Variants in SYT2 observed in about 807,000 individuals in gnomAD.
SYT2 encodes synaptotagmin-2.
SYT2 carries 15 observed loss-of-function variants against 39.9 expected under a neutral mutation model. The observed-to-expected ratio is 0.38, with a 90% CI of 0.25 to 0.58. The LOEUF (loss-of-function observed/expected upper bound fraction) is 0.58, where lower values mean the gene tolerates loss of function less well. SYT2 is among the 20% of genes least tolerant of loss of function. SYT2 has a pLI of 0.70. For missense variants in SYT2, 389 were observed against 530.3 expected (o/e 0.73, Z 2.62); for synonymous variants, 181 against 204.5 (o/e 0.89, Z 0.98).
chr1:202,624,759 T>TATGTGGCGTGTAGTAGG (rs1558435814), intron 1 of SYT2, among the ~76,000 whole-genome samples: 16 of 104,234 alleles, frequency 1.5e-4, no homozygotes, highest in African/African-American at 1.9e-4. Context: ...GTGTGTGGTG[T>TATGTGGCGTGTAGTAGG]GTGTGTGGTG....
chr1:202,646,865 CCTCACTTAGTGG>C (rs1359384102), intron 1 of SYT2, among the ~76,000 whole-genome samples: 2 of 152,160 alleles, frequency 1.3e-5, no homozygotes, highest in Non-Finnish European at 1.5e-5. Context: ...CGCAGCCCCA[CCTCACTTAGTGG>C]CTCCTGAAAT....
At chr1:202,704,650 C>A (rs1319270433) in intron 1 of SYT2, among the ~76,000 whole-genome samples, 1 of 92,580 alleles carries the variant, frequency 1.1e-5, no homozygotes, top group Non-Finnish European at 2.6e-5. Context: ...CAGCCCACCC[C>A]TAGGACCCTG....
At chr1:202,618,885 A>G (rs917768255) in intron 1 of SYT2, among the ~76,000 whole-genome samples, 1 of 152,152 alleles carries the variant, frequency 6.6e-6, no homozygotes, top group Non-Finnish European at 1.5e-5. Flanking sequence ...GTCAGAGAAA[A>G]AAAATGTAAA....
Position 202,628,695 on chromosome 1 carries a change from T to G in SYT2, c.-17-22906A>C, listed in dbSNP as rs1455316455. 1.3e-5 allele frequency among the ~76,000 whole-genome samples: 2 copies of G among 152,138 alleles called. No individual in the cohort carries two copies. On this transcript the variant is annotated intron_variant, in intron 1 of 8. Coordinates refer to ENST00000367268, the MANE Select transcript of SYT2 (RefSeq NM_177402.5). This position sits in a 1 kb window ranked among gnomAD's most constrained non-coding sequence, Gnocchi z 4.2. ...CCATGGCCTCAAAACACCCATGGGC[T>G]GGAGGAGGGGAGCAGTGAGGGGGAG...
At chr1:202,642,177 T>C (rs1572651196) in intron 1 of SYT2, among the ~76,000 whole-genome samples, 1 of 152,080 alleles carries the variant, frequency 6.6e-6, no homozygotes, top group Non-Finnish European at 1.5e-5. Context: ...CCCAAGGTCA[T>C]AGGACAGGTC....
intron 1 of SYT2, among the ~76,000 whole-genome samples, chr1:202,631,415 G>C (rs931309351): frequency 1.3e-5 from 2 of 152,198 alleles, no homozygotes; most frequent in Non-Finnish European, 2.9e-5. Context: ...TTCTGCTGCA[G>C]GTTCACTTTG....
chr1:202,692,720 G>A (rs372806308), intron 1 of SYT2, among the ~76,000 whole-genome samples: 5 of 152,162 alleles, frequency 3.3e-5, no homozygotes, highest in African/African-American at 1.2e-4. Flanking sequence ...CAGAAACAAT[G>A]TTATACAACA....
intron 1 of SYT2, among the ~76,000 whole-genome samples, chr1:202,697,992 G>A (rs538683464): frequency 3.2e-4 from 48 of 152,234 alleles, no homozygotes; most frequent in Middle Eastern, 6.8e-3. Flanking sequence ...TCCTTGGTAC[G>A]GACAGGAGGA....
intron 1 of SYT2, among the ~76,000 whole-genome samples, chr1:202,653,278 C>T (rs77282599): frequency 0.041 from 6,280 of 152,194 alleles, 216 homozygotes; most frequent in Non-Finnish European, 0.069. Flanking sequence ...TAGATTCATA[C>T]TTAGATATAT....
Position 202,613,067 on chromosome 1 carries a change from CCTTT to C in SYT2, c.-17-7282_-17-7279del, listed in dbSNP as rs67930907. ...CACATTGCCGAACTCATTGGTTCTT[CCTTT>C]TTTTTTTTTTTTTTTTTTTTTTTTT... On this transcript the variant is annotated intron_variant, in intron 1 of 8. Transcript: ENST00000367268. Among the ~76,000 whole-genome samples the C allele has an allele frequency of 3.3e-3, 396 of 121,550 alleles. 7 individuals are homozygous for C. Among genetic ancestry groups the C allele is most frequent in the Non-Finnish European group, 3.8e-3 (225 of 59,880 alleles). 79.7% of individuals were successfully genotyped at this position (121,550 alleles called of 152,430 possible).
intron 1 of SYT2, 32 bp downstream of exon 1, chr1:202,710,226 C>T (rs1357298143): frequency 6.6e-6 from 1 of 152,368 alleles, no homozygotes; most frequent in Non-Finnish European, 1.5e-5. Context: ...AGAGGGAGGT[C>T]CGTGCCCCCA....
At position 202,596,882 on chromosome 1, in the gene SYT2, T is replaced by G. The variant is rs1274813045; in HGVS notation, c.1135A>C (p.Asn379His). 2.5e-6 allele frequency: 4 copies of G among 1,614,244 alleles called. No individual in the cohort carries two copies. Among genetic ancestry groups the G allele is most frequent in the Non-Finnish European group, 3.4e-6 (4 of 1,180,036 alleles). Residue 379 changes from asparagine to histidine, a missense_variant, in exon 9 of 9, where the codon AAT (asparagine) becomes CAT (histidine). Physicochemically the swap from Asn to His is moderately conservative, Grantham distance 68. Transcript: ENST00000367268. ...EAIGKIFVGSNATGTELRHWS... is the reference protein window; with the variant it reads ...EAIGKIFVGSHATGTELRHWS... ...TGCCGCAGCTCTGTGCCCGTGGCAT[T>G]GCTGCCCACGAAGATCTTGCCTATG...
At chr1:202,698,582 G>T (rs1011854908) in intron 1 of SYT2, among the ~76,000 whole-genome samples, 1 of 152,134 alleles carries the variant, frequency 6.6e-6, no homozygotes, top group Non-Finnish European at 1.5e-5. Flanking sequence ...AGTGCTAAAT[G>T]GTAACTACAG....
chr1:202,644,941 G>C (rs1856750), intron 1 of SYT2, among the ~76,000 whole-genome samples: 27,847 of 152,120 alleles, frequency 0.18, 3,658 homozygotes, highest in East Asian at 0.39. Context: ...CTCTTCAGAA[G>C]GGCAGCAGCT....
intron 1 of SYT2, among the ~76,000 whole-genome samples, chr1:202,672,331 A>G (rs1379742416): frequency 6.6e-6 from 1 of 152,218 alleles, no homozygotes; most frequent in Non-Finnish European, 1.5e-5. Context: ...AGATGAGGCC[A>G]TGAAATGGGG....
At chr1:202,604,848 A>G (rs992041306) in intron 2 of SYT2, among the ~76,000 whole-genome samples, 1 of 93,032 alleles carries the variant, frequency 1.1e-5, no homozygotes, top group Admixed American at 1.6e-4. Flanking sequence ...TTTTTTGCCT[A>G]CTGTCCTTGT....
At chr1:202,696,780 T>A (rs1352347975) in intron 1 of SYT2, among the ~76,000 whole-genome samples, 2 of 152,222 alleles carry the variant, frequency 1.3e-5, no homozygotes, top group African/African-American at 4.8e-5. Flanking sequence ...CGTAATATCA[T>A]GAATTTTCCT....
Position 202,591,952 on chromosome 1 carries a change from C to T in SYT2, c.*4805G>A, listed in dbSNP as rs1195895860. The T allele has an allele frequency of 6.5e-6, 1 of 152,906 alleles. No individual in the cohort carries two copies. The highest frequency in any genetic ancestry group is 2.4e-5 in the African/African-American group (1 of 41,470). 9.5% of individuals were successfully genotyped at this position (152,906 alleles called of 1,614,324 possible). On this transcript the variant is annotated 3_prime_UTR_variant, in exon 9 of 9. Coordinates refer to ENST00000367268, the MANE Select transcript of SYT2 (RefSeq NM_177402.5). ...CCAGCTCGGGCAGGGCCAGCATGGG[C>T]ATCTCCTGAGACCCCACCGGAAGCC...
intron 1 of SYT2, 54 bp from the exon 2 acceptor site, chr1:202,605,843 T>A: frequency 7.1e-7 from 1 of 1,407,000 alleles, no homozygotes; most frequent in Non-Finnish European, 9.9e-7. Context: ...CGTCTTACCC[T>A]GAGAAAGCCC....
Sources: allele counts gnomAD v4.1 joint callset (sites outside exome capture counted in the v4.1 genomes callset), GRCh38; gene constraint gnomAD v4.1.1; non-coding constraint Gnocchi (gnomAD v3.1); transcripts MANE v1.5; gene names NCBI Gene and HGNC (gene_info 2026-07-23, HGNC 2026-07-21).